ZBBX: variants seen among roughly 807,000 people sequenced by gnomAD.
ZBBX encodes the protein zinc finger B-box domain-containing protein 1.
A neutral mutation model predicts 108.5 loss-of-function variants in ZBBX; 101 were observed. The observed-to-expected ratio is 0.93, with a 90% CI of 0.79 to 1.10. The LOEUF is 1.10. Ranked by LOEUF, ZBBX falls within the 50% of genes least tolerant of loss-of-function variation. The pLI, the probability that ZBBX is intolerant of heterozygous loss-of-function variation, is 0.00. For synonymous variants in ZBBX, 356 were observed against 323.4 expected, an observed-to-expected ratio of 1.10 and a Z score of -1.08; for missense variants, 1,009 against 941.4, an observed-to-expected ratio of 1.07 and a Z score of -0.94.
At chr3:167,402,526 T>C (rs1748456875) in intron 1 of ZBBX, among the ~76,000 whole-genome samples, 1 of 152,166 alleles carries the variant, frequency 6.6e-6, no homozygotes, top group Admixed American at 6.6e-5. Flanking sequence ...TTTTCTTCTA[T>C]ACTTAATTTC....
At chr3:167,394,171 T>A (rs1009569990) in intron 1 of ZBBX, among the ~76,000 whole-genome samples, 1 of 151,950 alleles carries the variant, frequency 6.6e-6, no homozygotes, top group Non-Finnish European at 1.5e-5. Flanking sequence ...ACAGTGCTTC[T>A]CAACACAAGT....
At chr3:167,360,022 T>C (rs1002315501) in intron 7 of ZBBX, 43 bp from the exon 8 acceptor site, 22 of 1,196,880 alleles carry the variant, frequency 1.8e-5, no homozygotes, top group South Asian at 5.0e-5. Flanking sequence ...TTTAAAAATA[T>C]GTTAAATTTT....
intron 2 of ZBBX, among the ~76,000 whole-genome samples, chr3:167,374,427 T>C (rs959105470): frequency 1.3e-5 from 2 of 152,194 alleles, no homozygotes; most frequent in African/African-American, 4.8e-5. Flanking sequence ...CTAAATCACA[T>C]GAACAACTAT....
chr3:167,249,345 G>T (rs997639764), intron 20 of ZBBX, among the ~76,000 whole-genome samples: 1 of 152,124 alleles, frequency 6.6e-6, no homozygotes, highest in Non-Finnish European at 1.5e-5. Flanking sequence ...CCTCCTGTTT[G>T]GCATCTCAGG....
intron 20 of ZBBX, among the ~76,000 whole-genome samples, chr3:167,256,187 T>C (rs1341736860): frequency 6.6e-6 from 1 of 152,186 alleles, no homozygotes; most frequent in Non-Finnish European, 1.5e-5. Flanking sequence ...ATGTACCACA[T>C]TTTCTTTATC....
chr3:167,250,239 A>G (rs531936346), intron 20 of ZBBX, among the ~76,000 whole-genome samples: 1 of 152,296 alleles, frequency 6.6e-6, no homozygotes, highest in Admixed American at 6.5e-5. Flanking sequence ...TAAAAAAGCG[A>G]GAGGAGATGC....
chr3:167,249,619 AG>A (rs1485178536), intron 20 of ZBBX, among the ~76,000 whole-genome samples: 2 of 152,210 alleles, frequency 1.3e-5, no homozygotes, highest in Admixed American at 1.3e-4. Flanking sequence ...AAGCAAATTA[AG>A]GGGGATCTTG....
the ZBBX span, among the ~76,000 whole-genome samples, chr3:167,191,932 T>TAGAGAG: frequency 1.2e-4 from 15 of 128,040 alleles, no homozygotes; most frequent in African/African-American, 1.9e-4. Flanking sequence ...TATATATATA[T>TAGAGAG]ATAGAGCAAG....
chr3:167,207,450 A>G, the ZBBX span, among the ~76,000 whole-genome samples: 1 of 152,194 alleles, frequency 6.6e-6, no homozygotes, highest in Non-Finnish European at 1.5e-5. Context: ...ACTGAAATCC[A>G]GTGCTGCCTC....
the ZBBX span, among the ~76,000 whole-genome samples, chr3:167,194,011 C>T: frequency 4.0e-5 from 6 of 151,840 alleles, no homozygotes; most frequent in Non-Finnish European, 1.5e-5. Flanking sequence ...GGAATGGGTA[C>T]AAACATAAAG....
the ZBBX span, among the ~76,000 whole-genome samples, chr3:167,196,941 A>C: frequency 1.3e-5 from 2 of 152,222 alleles, no homozygotes; most frequent in Non-Finnish European, 1.5e-5. Flanking sequence ...TACTCCAAGC[A>C]TCCTAAAGGT....
the ZBBX span, among the ~76,000 whole-genome samples, chr3:167,206,695 A>G: frequency 6.6e-6 from 1 of 152,116 alleles, no homozygotes; most frequent in East Asian, 1.9e-4. Context: ...AAAACAGTCC[A>G]GAGAAAAAAA....
intron 1 of ZBBX, among the ~76,000 whole-genome samples, chr3:167,395,326 T>C (rs1435953055): frequency 6.6e-6 from 1 of 152,092 alleles, no homozygotes; most frequent in African/African-American, 2.4e-5. Flanking sequence ...TTATAGGTTC[T>C]GGTACTAACT....
intron 8 of ZBBX, among the ~76,000 whole-genome samples, chr3:167,354,355 G>GA (rs888936693): frequency 1.3e-4 from 20 of 151,692 alleles, no homozygotes; most frequent in African/African-American, 4.6e-4. Context: ...CATTTATATC[G>GA]AAAAACCTTG....
the ZBBX span, among the ~76,000 whole-genome samples, chr3:167,227,779 T>A: frequency 1.1e-4 from 16 of 151,834 alleles, no homozygotes; most frequent in East Asian, 2.7e-3. Context: ...CAAGCCTACA[T>A]GTATCCCATT....
Position 167,268,946 on chromosome 3 carries a change from A to T in ZBBX, c.2254+13292T>A, listed in dbSNP as rs193026444. 2.8e-4 allele frequency among the ~76,000 whole-genome samples: 42 copies of T among 152,232 alleles called. 2 individuals carry two copies. Among genetic ancestry groups the T allele is most frequent in the African/African-American group, 8.9e-4 (37 of 41,552 alleles). On this transcript the variant is annotated intron_variant, in intron 20 of 21. Coordinates refer to ENST00000675490, the MANE Select transcript of ZBBX (RefSeq NM_001199201.2). ...GAGGACCCAGACCCTCATCTACCAGACCCTCTAAAGAGTATGGGGGAACAA... is the reference window on the plus strand; with the variant it reads ...GAGGACCCAGACCCTCATCTACCAGTCCCTCTAAAGAGTATGGGGGAACAA...
At chr3:167,186,616 A>T in the ZBBX span, among the ~76,000 whole-genome samples, 4 of 152,164 alleles carry the variant, frequency 2.6e-5, no homozygotes, top group African/African-American at 9.7e-5. Flanking sequence ...TTTGCTTCAG[A>T]AGGACATTAC....
chr3:167,205,172 A>T, the ZBBX span, among the ~76,000 whole-genome samples: 1 of 152,250 alleles, frequency 6.6e-6, no homozygotes, highest in African/African-American at 2.4e-5. Context: ...TTGACCCCTC[A>T]TTAAAACCGT....
In ZBBX at chr3:167,317,552, T is replaced by A; in HGVS notation, c.1029A>T (p.Pro343=). ...QLFKMLPDTF[P]HPHETTGDAQ... is the part of the protein sequence containing the mutation. Reference sequence around the variant, plus strand: ...CATCACCAGTGGTTTCATGTGGATGTGGGAACGTATCTGGTAGCATTTTAA... The same window carrying A: ...CATCACCAGTGGTTTCATGTGGATGAGGGAACGTATCTGGTAGCATTTTAA... Residue 343 remains proline (P), a synonymous_variant, in exon 13 of 22, where the codon CCA becomes CCT. Transcript: ENST00000675490. 2 of 1,611,312 alleles carry A rather than the reference T, an allele frequency of 1.2e-6. No homozygotes were observed. Among genetic ancestry groups the A allele is most frequent in the Non-Finnish European group, 1.7e-6 (2 of 1,178,464 alleles).
Sources: gnomAD v4.1 joint callset for allele counts (sites outside exome capture counted in the v4.1 genomes callset) on GRCh38, gnomAD v4.1.1 for gene constraint, MANE v1.5 for transcripts, NCBI Gene and HGNC (gene_info 2026-07-23, HGNC 2026-07-21) for gene names.